PROCR: variants seen among roughly 807,000 people sequenced by gnomAD.
The protein encoded by PROCR is endothelial protein C receptor.
A neutral mutation model predicts 24.2 loss-of-function variants in PROCR; 22 were observed. The ratio of observed to expected loss-of-function variants is 0.91; its 90% CI spans 0.65 to 1.30. The LOEUF (loss-of-function observed/expected upper bound fraction) is 1.30, where lower values mean the gene tolerates loss of function less well. PROCR is among the 50% of genes most tolerant of loss of function. PROCR has a pLI of 0.00. For missense variants in PROCR, 288 were observed against 307.7 expected (o/e 0.94, Z 0.48); for synonymous variants, 137 against 139.2 (o/e 0.98, Z 0.11).
intron 1 of PROCR, among the ~76,000 whole-genome samples, chr20:35,208,931 C>T (rs1041027634): frequency 3.3e-5 from 5 of 152,126 alleles, no homozygotes; most frequent in South Asian, 2.1e-4. Flanking sequence ...GAGATCACAC[C>T]ACTGCACTCC....
intron 1 of PROCR, among the ~76,000 whole-genome samples, chr20:35,199,940 A>G (rs1281943812): frequency 6.6e-6 from 1 of 152,088 alleles, no homozygotes; most frequent in East Asian, 1.9e-4. Context: ...GTTGATTCCA[A>G]CCCTCATGAA....
At chr20:35,171,674 C>T (rs139162252), upstream of PROCR, among the ~76,000 whole-genome samples, 67 of 152,262 alleles carry the variant, frequency 4.4e-4, 1 homozygote, top group African/African-American at 1.4e-3. Flanking sequence ...CTGTCACCAC[C>T]ATGATATATA....
intron 1 of PROCR, among the ~76,000 whole-genome samples, chr20:35,208,020 G>C (rs1421074310): frequency 6.6e-6 from 1 of 152,154 alleles, no homozygotes; most frequent in Non-Finnish European, 1.5e-5. Context: ...CCATTTATTG[G>C]GTTAACTAGC....
intron 1 of PROCR, among the ~76,000 whole-genome samples, chr20:35,197,278 A>G (rs1366183120): frequency 3.9e-5 from 6 of 152,118 alleles, no homozygotes; most frequent in South Asian, 4.1e-4. Context: ...CATTATTATT[A>G]TATCTGATGT....
rs545008019 is a variant in PROCR at position 35,205,291 on chromosome 20, A to T, written c.95-10602A>T. Among the ~76,000 whole-genome samples, 3 of 143,570 alleles carry T rather than the reference A, an allele frequency of 2.1e-5. No homozygotes were observed. The East Asian group carries it at 6.4e-4, about 30-fold the overall frequency. 94.2% of individuals were successfully genotyped at this position (143,570 alleles called of 152,430 possible). A position where few individuals can be genotyped will look rare whatever the true frequency, so the allele number is the denominator to read the frequency against. On this transcript the variant is annotated intron_variant, in intron 1 of 1. Coordinates refer to the PROCR transcript ENST00000634509. The stretch of plus-strand genomic sequence containing the variant: ...CCATCTCAATAATAATAATAATAAT[A>T]AATAAATGAGCATAATTCACCATAT...
chr20:35,191,928 A>T (rs1426505778), intron 1 of PROCR, among the ~76,000 whole-genome samples: 1 of 152,238 alleles, frequency 6.6e-6, no homozygotes, highest in East Asian at 1.9e-4. Flanking sequence ...AAAGGCAAAG[A>T]AATACTCAGG....
chr20:35,213,486 T>A (rs1339784571), intron 1 of PROCR, among the ~76,000 whole-genome samples: 1 of 152,198 alleles, frequency 6.6e-6, no homozygotes, highest in Admixed American at 6.5e-5. Context: ...AGTTTATAGT[T>A]TGTTGCTTTA....
intron 1 of PROCR, among the ~76,000 whole-genome samples, chr20:35,208,848 T>C (rs1329961052): frequency 1.3e-5 from 2 of 152,132 alleles, no homozygotes; most frequent in African/African-American, 4.8e-5. Context: ...GGCACGCACC[T>C]GTAATACCAG....
intron 1 of PROCR, among the ~76,000 whole-genome samples, chr20:35,182,773 C>T (rs974569769): frequency 6.6e-6 from 1 of 151,996 alleles, no homozygotes; most frequent in Non-Finnish European, 1.5e-5. Context: ...GTCAGGTGTT[C>T]GAGACCAGCC....
intron 1 of PROCR, among the ~76,000 whole-genome samples, chr20:35,206,966 C>A (rs1442833894): frequency 6.6e-6 from 1 of 152,138 alleles, no homozygotes; most frequent in East Asian, 1.9e-4. Flanking sequence ...AGTGGAGTAA[C>A]AAACTGTGGT....
chr20:35,206,182 A>G (rs917218121), intron 1 of PROCR, among the ~76,000 whole-genome samples: 1 of 151,638 alleles, frequency 6.6e-6, no homozygotes, highest in African/African-American at 2.4e-5. Context: ...TAGAATTTAT[A>G]AAGAACCCTC....
chr20:35,178,676 C>T (rs1361348498), downstream of PROCR, among the ~76,000 whole-genome samples: 9 of 136,554 alleles, frequency 6.6e-5, no homozygotes, highest in Non-Finnish European at 9.4e-5. Context: ...CCACTACGCC[C>T]GGCTAATTTT....
intron 1 of PROCR, among the ~76,000 whole-genome samples, chr20:35,193,822 T>TC (rs1174030679): frequency 6.6e-6 from 1 of 152,178 alleles, no homozygotes; most frequent in Non-Finnish European, 1.5e-5. Flanking sequence ...AGACCTAAAT[T>TC]TGAGAGCTCA....
chr20:35,177,067 T>A lies in PROCR; in HGVS notation c.*254T>A. The A allele has an allele frequency of 1.6e-6, 2 of 1,279,112 alleles. No individual in the cohort carries two copies. Among genetic ancestry groups the A allele is most frequent in the Non-Finnish European group, 2.0e-6 (2 of 1,001,638 alleles). The allele number at this position is 1,279,112 out of a possible 1,614,324, so 79.2% of individuals were successfully genotyped here. A position where few individuals can be genotyped will look rare whatever the true frequency, so the allele number is the denominator to read the frequency against. ...AATTAGTCTGATAAGTGAATGTTTA[T>A]CTATCTTTGTGGAAAACAGATAATG... is the stretch of plus-strand genomic sequence containing the variant. On this transcript the variant is annotated 3_prime_UTR_variant, in exon 4 of 4. Coordinates refer to ENST00000216968, the MANE Select transcript of PROCR (RefSeq NM_006404.5).
intron 1 of PROCR, among the ~76,000 whole-genome samples, chr20:35,210,945 T>C (rs2060360761): frequency 6.6e-6 from 1 of 152,172 alleles, no homozygotes; most frequent in Non-Finnish European, 1.5e-5. Flanking sequence ...AGTCCTGACC[T>C]CAGGTGATCC....
In PROCR at chr20:35,177,321, TAATC is replaced by T. The variant is rs1461447387; in HGVS notation, c.*512_*515del. The T allele has an allele frequency of 1.0e-5, 10 of 984,050 alleles. No individual in the cohort carries two copies. Among genetic ancestry groups the T allele is most frequent in the South Asian group, 4.7e-5 (1 of 21,400 alleles). 61.0% of individuals were successfully genotyped at this position (984,050 alleles called of 1,614,324 possible). ...AAGTCATATGGCAGTGATCAATTAT[TAATC>T]AATTAATAATATTAATAAATTTCTT... On this transcript the variant is annotated 3_prime_UTR_variant, in exon 4 of 4. Transcript: ENST00000216968.
At chr20:35,183,084 T>C (rs948771092) in intron 1 of PROCR, among the ~76,000 whole-genome samples, 3 of 152,234 alleles carry the variant, frequency 2.0e-5, no homozygotes, top group Non-Finnish European at 2.9e-5. Flanking sequence ...TGGAATTCTG[T>C]AACTTGCGTT....
At chr20:35,210,103 G>C (rs2060356143) in intron 1 of PROCR, among the ~76,000 whole-genome samples, 1 of 152,118 alleles carries the variant, frequency 6.6e-6, no homozygotes, top group African/African-American at 2.4e-5. Flanking sequence ...GTGTGTGTCT[G>C]TAGTCCTAGC....
chr20:35,176,255 G>A lies in PROCR; in HGVS notation c.410G>A (p.Gly137Glu). ...AHVFFEVAVN[G>E]SSFVSFRPER... ...GTCTTCTTCGAAGTGGCTGTGAATGGGAGCTCCTTTGTGAGTTTCCGGCCG... is the reference window on the plus strand; with the variant it reads ...GTCTTCTTCGAAGTGGCTGTGAATGAGAGCTCCTTTGTGAGTTTCCGGCCG... Residue 137 changes from glycine to glutamate, a missense_variant, in exon 3 of 4, where the codon GGG (glycine) becomes GAG (glutamate). Coordinates refer to ENST00000216968, the MANE Select transcript of PROCR (RefSeq NM_006404.5). 1 of 1,614,190 alleles carries A rather than the reference G, an allele frequency of 6.2e-7. No individual in the cohort carries two copies. Among genetic ancestry groups the A allele is most frequent in the South Asian group, 1.1e-5 (1 of 91,082 alleles).
Sources: allele counts gnomAD v4.1 joint callset (sites outside exome capture counted in the v4.1 genomes callset), GRCh38; gene constraint gnomAD v4.1.1; transcripts MANE v1.5; gene names NCBI Gene and HGNC (gene_info 2026-07-23, HGNC 2026-07-21).